The following UBR2 variants were observed in gnomAD, a reference collection of about 807,000 sequenced individuals.
The protein encoded by UBR2 is ubiquitin protein ligase E3 component n-recognin 2.
UBR2 carries 92 observed loss-of-function variants against 247.9 expected under a neutral mutation model. The ratio of observed to expected loss-of-function variants is 0.37; its 90% confidence interval spans 0.31 to 0.44. The LOEUF (loss-of-function observed/expected upper bound fraction) is 0.44. Among genes scored for constraint, UBR2 ranks in the 20% least tolerant of loss-of-function variants. The pLI is 1.00. For missense variants in UBR2, 1,613 were observed against 2,112.6 expected (o/e 0.76, Z 4.64); for synonymous variants, 672 against 693.5 (o/e 0.97, Z 0.49).
intron 1 of UBR2, among the ~76,000 whole-genome samples, chr6:42,567,890 AAAAT>A (rs1790879172): frequency 6.6e-6 from 1 of 152,056 alleles, no homozygotes; most frequent in Non-Finnish European, 1.5e-5. Context: ...AAAATAAAAT[AAAAT>A]AAATAAGCTG....
chr6:42,645,713 G>A, intron 21 of UBR2, 123 bp downstream of exon 21: 3 of 1,008,448 alleles, frequency 3.0e-6, no homozygotes, highest in East Asian at 4.9e-5. Context: ...CATGGGATGT[G>A]TATAATTCCG....
At chr6:42,667,587 C>CTTTTTTTTTTTTTTTTTT (rs1161068427) in intron 34 of UBR2, among the ~76,000 whole-genome samples, 17 of 47,418 alleles carry the variant, frequency 3.6e-4, no homozygotes, top group Admixed American at 1.6e-3. Context: ...ACAGTTTTGT[C>CTTTTTTTTTTTTTTTTTT]TTTTTTTTTT....
intron 11 of UBR2, among the ~76,000 whole-genome samples, chr6:42,630,533 T>C (rs1240238601): frequency 2.0e-5 from 3 of 152,032 alleles, no homozygotes; most frequent in African/African-American, 7.2e-5. Context: ...AATCCAAAAT[T>C]GTGCAGTATG....
At chr6:42,633,723 GTTTT>G (rs1562336239) in intron 13 of UBR2, among the ~76,000 whole-genome samples, 2 of 144,582 alleles carry the variant, frequency 1.4e-5, no homozygotes, top group African/African-American at 5.5e-5. Context: ...TTTGTTTTTT[GTTTT>G]GTTTTGTTTT....
chr6:42,619,349 C>T (rs1794753479), intron 11 of UBR2: 1 of 136,056 alleles, frequency 7.3e-6, no homozygotes, highest in Non-Finnish European at 1.5e-5. Flanking sequence ...TATAATTTGT[C>T]CTTGTTTATT....
chr6:42,619,571 A>G, intron 11 of UBR2: 1 of 222,578 alleles, frequency 4.5e-6, no homozygotes, highest in Non-Finnish European at 8.6e-6. Flanking sequence ...CAACATGGTG[A>G]AACCCCATCT....
chr6:42,638,654 T>C (rs377094646), intron 15 of UBR2, among the ~76,000 whole-genome samples: 17 of 152,144 alleles, frequency 1.1e-4, no homozygotes, highest in East Asian at 5.8e-4. Flanking sequence ...ATTGATGGCA[T>C]GGTGTTGTGG....
At chr6:42,584,152 A>G (rs2151911498) in intron 2 of UBR2, among the ~76,000 whole-genome samples, 1 of 151,726 alleles carries the variant, frequency 6.6e-6, no homozygotes, top group Non-Finnish European at 1.5e-5. Flanking sequence ...ATGCACCACC[A>G]TGCCCAGCTA....
chr6:42,651,391 T>A (rs1293011904), intron 23 of UBR2, among the ~76,000 whole-genome samples: 1 of 152,050 alleles, frequency 6.6e-6, no homozygotes, highest in Non-Finnish European at 1.5e-5. Flanking sequence ...TCCCTTCTAA[T>A]TTAAAGTAAT....
chr6:42,633,549 C>A (rs984695166), intron 13 of UBR2, among the ~76,000 whole-genome samples: 1 of 152,050 alleles, frequency 6.6e-6, no homozygotes, highest in Non-Finnish European at 1.5e-5. Flanking sequence ...CACCACCACA[C>A]CAGCTAATTT....
chr6:42,617,689 A>AG (rs1444849487), intron 11 of UBR2, among the ~76,000 whole-genome samples, 182 bp downstream of exon 11: 2 of 152,204 alleles, frequency 1.3e-5, no homozygotes, highest in South Asian at 4.1e-4. Context: ...GTCATCTGGT[A>AG]GGGGGGAAGT....
At chr6:42,568,104 G>A (rs1790890368) in intron 1 of UBR2, among the ~76,000 whole-genome samples, 1 of 152,012 alleles carries the variant, frequency 6.6e-6, no homozygotes, top group South Asian at 2.1e-4. Context: ...TAGAGTTTTA[G>A]GTCTGTATTG....
At chr6:42,648,049 T>G (rs1796882897) in intron 21 of UBR2, 69 bp from the exon 22 acceptor site, 2 of 1,334,454 alleles carry the variant, frequency 1.5e-6, no homozygotes, top group Non-Finnish European at 2.1e-6. Flanking sequence ...GTCAATGAGA[T>G]AAAACACAAT....
chr6:42,584,998 G>C (rs1245675772), intron 2 of UBR2, among the ~76,000 whole-genome samples: 6 of 151,766 alleles, frequency 4.0e-5, no homozygotes, highest in Non-Finnish European at 8.8e-5. Flanking sequence ...CCATTGCTCT[G>C]GTGAAAGTGG....
At chr6:42,673,140 C>T (rs1442775972) in intron 36 of UBR2, among the ~76,000 whole-genome samples, 1 of 152,188 alleles carries the variant, frequency 6.6e-6, no homozygotes, top group Non-Finnish European at 1.5e-5. Flanking sequence ...CAGGCACCCT[C>T]ATTTGTACCA....
chr6:42,625,001 C>T (rs999175743), intron 11 of UBR2, among the ~76,000 whole-genome samples: 3 of 152,180 alleles, frequency 2.0e-5, no homozygotes, highest in African/African-American at 7.2e-5. Flanking sequence ...GGTTAAACTA[C>T]AAATTAAATT....
At chr6:42,649,568 G>A (rs1310277125) in intron 22 of UBR2, among the ~76,000 whole-genome samples, 1 of 152,160 alleles carries the variant, frequency 6.6e-6, no homozygotes, top group African/African-American at 2.4e-5. Context: ...AGTGTATAAA[G>A]AGTGCCCTGC....
intron 4 of UBR2, 55 bp downstream of exon 4, chr6:42,594,359 A>G (rs964995714): frequency 1.1e-5 from 15 of 1,387,162 alleles, no homozygotes; most frequent in South Asian, 3.6e-5. Context: ...ATTTTGAGAA[A>G]TAGTCATTAG....
chr6:42,594,492 G>T lies in UBR2; in HGVS notation c.531+188G>T, dbSNP rs2151919214. On this transcript the variant is annotated intron_variant, in intron 4 of 46. Coordinates refer to ENST00000372901, the MANE Select transcript of UBR2 (RefSeq NM_001363705.2). ...CTAATAGTACACAGTTGAAATTTGGGAAATTTCATTTAATTCTGATTTTTT... is the reference window on the plus strand; with the variant it reads ...CTAATAGTACACAGTTGAAATTTGGTAAATTTCATTTAATTCTGATTTTTT... Among the ~76,000 whole-genome samples the T allele has an allele frequency of 1.3e-5, 2 of 152,270 alleles. No individual in the cohort carries two copies. Among genetic ancestry groups the T allele is most frequent in the South Asian group, 4.1e-4 (2 of 4,824 alleles).
Sources: gnomAD v4.1 joint callset for allele counts (sites outside exome capture counted in the v4.1 genomes callset) on GRCh38, gnomAD v4.1.1 for gene constraint, MANE v1.5 for transcripts, NCBI Gene and HGNC (gene_info 2026-07-23, HGNC 2026-07-21) for gene names.